PRKDC: variants seen among roughly 807,000 people sequenced by gnomAD.
The protein encoded by PRKDC is DNA-dependent protein kinase catalytic subunit.
In PRKDC, 82 loss-of-function variants were observed where a neutral mutation model predicts 486.9. The ratio of observed to expected loss-of-function variants is 0.17; its 90% CI spans 0.14 to 0.20. The LOEUF (loss-of-function observed/expected upper bound fraction) is 0.20. PRKDC is among the 10% of genes least tolerant of loss of function. PRKDC has a pLI of 1.00. For missense variants in PRKDC, 4,504 were observed against 5,038.2 expected (o/e 0.89, Z 3.21); for synonymous variants, 1,895 against 1,837.0 (o/e 1.03, Z -0.81).
chr8:47,859,950 T>G (rs1264008164), intron 45 of PRKDC, among the ~76,000 whole-genome samples, 191 bp from the exon 46 acceptor site: 1 of 152,200 alleles, frequency 6.6e-6, no homozygotes, highest in African/African-American at 2.4e-5. Flanking sequence ...CATTTTCTTT[T>G]TGTTGTTATC....
In PRKDC at chr8:47,956,071, T is replaced by G. The variant is rs1021613584; in HGVS notation, c.325-123A>C. The G allele has an allele frequency of 1.7e-5, 13 of 746,228 alleles. No homozygotes were observed. In the African/African-American group the frequency reaches 2.0e-4, roughly 11 times the overall value. 46.2% of individuals were successfully genotyped at this position (746,228 alleles called of 1,614,324 possible). ...AAATTCAGTATTTAGCTGTGGAAAA[T>G]ATAACATTAGGCCGGGCATAGTGGC... is the stretch of plus-strand genomic sequence containing the variant. On this transcript the variant is annotated intron_variant, in intron 3 of 85. Coordinates refer to ENST00000314191, the MANE Select transcript of PRKDC (RefSeq NM_006904.7).
chr8:47,783,318 G>C (rs1048311557), intron 78 of PRKDC, among the ~76,000 whole-genome samples: 5 of 149,200 alleles, frequency 3.4e-5, no homozygotes, highest in African/African-American at 1.2e-4. Flanking sequence ...CCCGGGCATA[G>C]TGGCTCACAC....
chr8:47,804,431 C>G (rs1362816958), intron 69 of PRKDC, among the ~76,000 whole-genome samples: 1 of 151,940 alleles, frequency 6.6e-6, no homozygotes, highest in Non-Finnish European at 1.5e-5. Context: ...TCCCAAGTAC[C>G]TGGGATTACA....
intron 5 of PRKDC, 57 bp downstream of exon 5, chr8:47,954,275 GCTAATA>G: frequency 1.4e-6 from 1 of 703,614 alleles, no homozygotes; most frequent in Non-Finnish European, 2.1e-6. Flanking sequence ...TAAGTCTTAT[GCTAATA>G]ATTTGTTAAT....
At chr8:47,830,551 G>GTTTCC in intron 61 of PRKDC, 54 bp downstream of exon 61, 1 of 1,597,852 alleles carries the variant, frequency 6.3e-7, no homozygotes, top group Non-Finnish European at 8.6e-7. Flanking sequence ...GCAAACCCCT[G>GTTTCC]AACTGGAAAC....
At position 47,836,409 on chromosome 8, in the gene PRKDC, G is replaced by A; in HGVS notation, c.7880C>T (p.Ala2627Val). The change falls in exon 58 of 86, where the codon GCT (alanine) becomes GTT (valine). Residue 2627 changes from alanine (A) to valine (V), a missense_variant. Physicochemically the swap from Ala to Val is moderately conservative, Grantham distance 64 (BLOSUM62 0). Coordinates refer to ENST00000314191, the MANE Select transcript of PRKDC (RefSeq NM_006904.7). ...TATCTGCCCTGCCACTGGCCAGCGAGCTGAGAGGGACCCTTCCTGGGTACG... is the reference window on the plus strand; with the variant it reads ...TATCTGCCCTGCCACTGGCCAGCGAACTGAGAGGGACCCTTCCTGGGTACG... ...QTRTQEGSLS[A>V]RWPVAGQIRA... The A allele has an allele frequency of 1.2e-6, 2 of 1,612,340 alleles. No individual in the cohort carries two copies. The highest frequency in any genetic ancestry group is 2.2e-5 in the East Asian group (1 of 44,836).
Position 47,912,562 on chromosome 8 carries a change from C to G in PRKDC, c.2782G>C (p.Val928Leu). Reference sequence around the variant, plus strand: ...CTATGTAAAAGTTCACAGGCTGCAACCTAAAACAGACCAGGAGGTCAGCAA... The same window carrying G: ...CTATGTAAAAGTTCACAGGCTGCAAGCTAAAACAGACCAGGAGGTCAGCAA... ...ALTASDRQTK[V>L]AACELLHSMV... Residue 928 changes from valine to leucine, a missense_variant and splice_region_variant, in exon 25 of 86, where the codon GTT (valine) becomes CTT (leucine). By Grantham distance (32) the Val-to-Leu change is conservative (BLOSUM62 1). Transcript: ENST00000314191. 1 of 1,596,764 alleles carries G rather than the reference C, an allele frequency of 6.3e-7. No individual in the cohort carries two copies.
At chr8:47,941,704 G>A (rs965540635) in intron 10 of PRKDC, among the ~76,000 whole-genome samples, 7 of 152,184 alleles carry the variant, frequency 4.6e-5, no homozygotes, top group African/African-American at 1.7e-4. Context: ...TCAAATTTGA[G>A]GGTATATTGC....
In PRKDC at chr8:47,773,950, T is replaced by A. The variant is rs1273340602; in HGVS notation, c.*223A>T. On this transcript the variant is annotated 3_prime_UTR_variant, in exon 86 of 86. Coordinates refer to ENST00000314191, the MANE Select transcript of PRKDC (RefSeq NM_006904.7). ...GTAAGCCTGGATATCTATCTTTCTA[T>A]AAACCTCACCTAATCTTTGATGTTA... 8.4e-6 allele frequency: 4 copies of A among 475,086 alleles called. No homozygotes were observed. Among genetic ancestry groups the A allele is most frequent in the African/African-American group, 7.7e-5 (4 of 51,714 alleles). The allele number at this position is 475,086 out of a possible 1,614,324, so 29.4% of individuals were successfully genotyped here.
At chr8:47,815,363 GA>G (rs1416508420) in intron 68 of PRKDC, among the ~76,000 whole-genome samples, 2 of 152,188 alleles carry the variant, frequency 1.3e-5, no homozygotes, top group Non-Finnish European at 2.9e-5. Context: ...CGGCTAGATA[GA>G]TATCTATATG....
chr8:47,950,874 G>A (rs1213630969), intron 7 of PRKDC, among the ~76,000 whole-genome samples: 2 of 151,876 alleles, frequency 1.3e-5, no homozygotes, highest in Non-Finnish European at 2.9e-5. Context: ...TATTTTTGAT[G>A]CTGAGGTGGG....
chr8:47,807,160 T>C lies in PRKDC; in HGVS notation c.9724A>G (p.Met3242Val), dbSNP rs775383563. 10 of 1,613,810 alleles carry C rather than the reference T, an allele frequency of 6.2e-6. No homozygotes were observed. In the Admixed American group the frequency reaches 1.3e-4, roughly 22 times the overall value. The change falls in exon 69 of 86, where the codon ATG becomes GTG. Residue 3242 changes from methionine (M) to valine (V), a missense_variant. Physicochemically the swap from Met to Val is conservative, Grantham distance 21 (BLOSUM62 1). Coordinates refer to ENST00000314191, the MANE Select transcript of PRKDC (RefSeq NM_006904.7). The stretch of plus-strand genomic sequence containing the variant: ...ACCTGCTTCCGGGCACTGTCTATCA[T>C]CTTCATTTTCATGGAAAACTTGCAA... ...RSCKFSMKMK[M>V]IDSARKQNNF...
intron 21 of PRKDC, 74 bp from the exon 22 acceptor site, chr8:47,918,457 C>A: frequency 1.3e-6 from 1 of 793,708 alleles, no homozygotes; most frequent in South Asian, 3.7e-5. Flanking sequence ...AGGCAACAAA[C>A]TATATTGTCA....
chr8:47,943,985 T>A lies in PRKDC; in HGVS notation c.766A>T (p.Ile256Phe). The A allele has an allele frequency of 6.4e-7, 1 of 1,564,300 alleles. No homozygotes were observed. The change falls in exon 8 of 86, where the codon ATT (isoleucine) becomes TTT (phenylalanine). Residue 256 changes from isoleucine to phenylalanine, a missense_variant. Ile to Phe is a conservative substitution (Grantham distance 21, BLOSUM62 0). Transcript: ENST00000314191. ...AATATTAATCCTACCTGAGGACGAATTGCCTTTAGTACAAAATTAAAAATC... is the reference window on the plus strand; with the variant it reads ...AATATTAATCCTACCTGAGGACGAAATGCCTTTAGTACAAAATTAAAAATC... ...REIFNFVLKA[I>F]RPQIDLKRYA...
chr8:47,906,503 G>A (rs1323150168), intron 25 of PRKDC, among the ~76,000 whole-genome samples: 1 of 150,686 alleles, frequency 6.6e-6, no homozygotes, highest in African/African-American at 2.4e-5. Context: ...GTGTGGTGGT[G>A]GTCACCTGTA....
chr8:47,915,670 T>G (rs897427616), intron 22 of PRKDC, among the ~76,000 whole-genome samples: 5 of 152,206 alleles, frequency 3.3e-5, no homozygotes, highest in Admixed American at 2.0e-4. Context: ...ATAGTTAAAC[T>G]ACTAAACCCA....
At chr8:47,896,842 G>A (rs1343116149) in intron 30 of PRKDC, among the ~76,000 whole-genome samples, 1 of 152,108 alleles carries the variant, frequency 6.6e-6, no homozygotes, top group Non-Finnish European at 1.5e-5. Flanking sequence ...GGACAAAACT[G>A]AGCAATACAT....
At chr8:47,930,424 C>T (rs1453002843) in intron 17 of PRKDC, among the ~76,000 whole-genome samples, 1 of 152,152 alleles carries the variant, frequency 6.6e-6, no homozygotes, top group East Asian at 1.9e-4. Flanking sequence ...AGGCGCCTGA[C>T]ACTATGCCCG....
chr8:47,795,478 C>T lies in PRKDC; in HGVS notation c.10459-977G>A, dbSNP rs368295676. On this transcript the variant is annotated intron_variant, in intron 73 of 85. Transcript: ENST00000314191. ...GGCTGGGATTACAGGCGTGAGCCAC[C>T]GCACCCGGCCTTTTTTTTTTTTTTT... Among the ~76,000 whole-genome samples, 120 of 150,612 alleles carry T rather than the reference C, an allele frequency of 8.0e-4. 2 individuals carry two copies. In the East Asian group the frequency reaches 0.021, roughly 26 times the overall value.
Sources: allele counts gnomAD v4.1 joint callset (sites outside exome capture counted in the v4.1 genomes callset), GRCh38; gene constraint gnomAD v4.1.1; transcripts MANE v1.5; gene names NCBI Gene and HGNC (gene_info 2026-07-23, HGNC 2026-07-21).